The following SHANK2 variants were observed in gnomAD, a reference collection of about 807,000 sequenced individuals.
The protein encoded by SHANK2 is SH3 and multiple ankyrin repeat domains 2.
In SHANK2, 43 loss-of-function variants were observed where a neutral mutation model predicts 133.7. That is an observed-to-expected ratio of 0.32 (90% confidence interval 0.25 to 0.41). The LOEUF is 0.41. Among genes scored for constraint, SHANK2 ranks in the 10% least tolerant of loss-of-function variants. The pLI is 1.00. For missense variants in SHANK2, 1,994 were observed against 2,235.8 expected (o/e 0.89, Z 2.18); for synonymous variants, 1,017 against 952.8 (o/e 1.07, Z -1.24).
At chr11:71,086,881 C>T (rs1403553497) in intron 8 of SHANK2, among the ~76,000 whole-genome samples, 1 of 152,158 alleles carries the variant, frequency 6.6e-6, no homozygotes, top group Non-Finnish European at 1.5e-5. Flanking sequence ...AGAGGAGGCT[C>T]GCGAAGGCAA....
At chr11:70,630,345 G>T (rs2060967569) in intron 17 of SHANK2, among the ~76,000 whole-genome samples, 1 of 152,228 alleles carries the variant, frequency 6.6e-6, no homozygotes. Context: ...GTGGCAGACA[G>T]AAGGACAATC....
At chr11:71,219,552 C>T (rs1053832472) in intron 2 of SHANK2, among the ~76,000 whole-genome samples, 3 of 151,952 alleles carry the variant, frequency 2.0e-5, no homozygotes, top group African/African-American at 7.3e-5. Flanking sequence ...AATGAAATAC[C>T]ACATCAACAC....
intron 14 of SHANK2, among the ~76,000 whole-genome samples, chr11:70,713,485 C>G (rs528256983): frequency 6.6e-6 from 1 of 152,224 alleles, no homozygotes; most frequent in Admixed American, 6.5e-5. Context: ...CCAAGGCCCA[C>G]GTAGCAGTGG....
At chr11:70,931,814 T>C (rs1255223845) in intron 10 of SHANK2, among the ~76,000 whole-genome samples, 2 of 152,214 alleles carry the variant, frequency 1.3e-5, no homozygotes, top group African/African-American at 4.8e-5. Flanking sequence ...GGCCAATCTC[T>C]TCTGAGCAGA....
At chr11:70,877,096 AT>A (rs1188212541) in intron 11 of SHANK2, among the ~76,000 whole-genome samples, 10 of 152,274 alleles carry the variant, frequency 6.6e-5, no homozygotes, top group East Asian at 1.9e-4. Flanking sequence ...TGATATTTTT[AT>A]TTCTCTTCAG....
At chr11:70,489,426 G>C in intron 23 of SHANK2, 78 bp from the exon 24 acceptor site, 2 of 1,451,652 alleles carry the variant, frequency 1.4e-6, no homozygotes, top group Admixed American at 3.3e-5. Context: ...TGCTGGTGCA[G>C]GGGGAGCTTT....
chr11:70,690,356 G>A (rs1194021218), intron 15 of SHANK2, among the ~76,000 whole-genome samples: 1 of 151,866 alleles, frequency 6.6e-6, no homozygotes, highest in African/African-American at 2.4e-5. Context: ...GAATTACTCT[G>A]AAACACTGAT....
intron 17 of SHANK2, among the ~76,000 whole-genome samples, chr11:70,551,178 G>A (rs1261994323): frequency 1.3e-5 from 2 of 152,132 alleles, no homozygotes; most frequent in Non-Finnish European, 2.9e-5. Context: ...TCTTTTTGAG[G>A]GAGAAAACAC....
intron 11 of SHANK2, among the ~76,000 whole-genome samples, chr11:70,837,975 CAAAAAAAAAAAAAAAAAAAAAA>C (rs55862093): frequency 4.0e-5 from 1 of 25,178 alleles, no homozygotes; most frequent in Non-Finnish European, 8.1e-5. Context: ...CATTCTGTCT[CAAAAAAAAAAAAAAAAAAAAAA>C]AAAAGAAAAA....
intron 17 of SHANK2, among the ~76,000 whole-genome samples, chr11:70,534,763 G>A (rs1435411749): frequency 1.3e-5 from 2 of 152,352 alleles, no homozygotes; most frequent in South Asian, 4.1e-4. Flanking sequence ...ATCAGTTCAG[G>A]TGACGCTTCA....
At chr11:71,094,444 AC>A (rs1378361084) in intron 7 of SHANK2, 92 bp downstream of exon 7, 4 of 1,275,598 alleles carry the variant, frequency 3.1e-6, no homozygotes, top group Admixed American at 2.2e-5. Context: ...CTGTGCACGG[AC>A]CCCCTAGGAT....
chr11:70,773,791 C>T (rs1947304713), intron 14 of SHANK2, among the ~76,000 whole-genome samples: 1 of 152,166 alleles, frequency 6.6e-6, no homozygotes, highest in Non-Finnish European at 1.5e-5. Context: ...CTAATACCCA[C>T]TAAGATGCCT....
intron 6 of SHANK2, among the ~76,000 whole-genome samples, chr11:71,101,527 G>A (rs61885547): frequency 1.4e-3 from 210 of 152,314 alleles, no homozygotes; most frequent in Admixed American, 3.4e-3. Flanking sequence ...TTGGCACTGG[G>A]TAATTTCTGC....
At chr11:70,776,837 CCATA>C (rs781932929) in intron 14 of SHANK2, among the ~76,000 whole-genome samples, 1 of 151,238 alleles carries the variant, frequency 6.6e-6, no homozygotes, top group Non-Finnish European at 1.5e-5. Flanking sequence ...ACTCATCCAT[CCATA>C]CATTCATCCA....
chr11:70,689,041 G>A (rs568257952), intron 15 of SHANK2, among the ~76,000 whole-genome samples: 14 of 152,324 alleles, frequency 9.2e-5, no homozygotes, highest in Middle Eastern at 3.4e-3. Flanking sequence ...CCTGAGGAAC[G>A]TGCAGTTCAC....
chr11:71,200,831 T>TACACATAC (rs1555116975), intron 2 of SHANK2, among the ~76,000 whole-genome samples: 39 of 145,034 alleles, frequency 2.7e-4, no homozygotes, highest in African/African-American at 1.0e-3. Flanking sequence ...TCTCAATTAA[T>TACACATAC]ACACACACAC....
intron 2 of SHANK2, among the ~76,000 whole-genome samples, chr11:71,197,823 T>C (rs1271571956): frequency 3.9e-5 from 6 of 152,170 alleles, no homozygotes; most frequent in Non-Finnish European, 8.8e-5. Context: ...CACTGTTGAT[T>C]AACCGAAAGG....
rs1555072643 is a variant in SHANK2, at chr11:70,882,659, C to CAGGGGTG, written c.1174+13835_1174+13841dup. ...TTGCTTGCAAAATCAGCCAGGAGCA[C>CAGGGGTG]AGGGGTGAGGGGTGGCGGTGCAGGG... On this transcript the variant is annotated intron_variant, in intron 11 of 25. Coordinates refer to ENST00000601538, the MANE Select transcript of SHANK2 (RefSeq NM_012309.5). The surrounding 1 kb of genome is among the most constrained non-coding windows in gnomAD (Gnocchi z 4.2). Among the ~76,000 whole-genome samples the CAGGGGTG allele has an allele frequency of 6.6e-6, 1 of 152,148 alleles. No individual in the cohort carries two copies. Among genetic ancestry groups the CAGGGGTG allele is most frequent in the African/African-American group, 2.4e-5 (1 of 41,422 alleles).
rs1565166159 is a variant in SHANK2 at position 70,599,893 on chromosome 11, G to GAAAGAAAGAAAGAAAGAA, written c.2061+59934_2061+59935insTTCTTTCTTTCTTTCTTT. Among the ~76,000 whole-genome samples, 224 of 92,522 alleles carry GAAAGAAAGAAAGAAAGAA rather than the reference G, an allele frequency of 2.4e-3. 9 individuals carry two copies. Among genetic ancestry groups the GAAAGAAAGAAAGAAAGAA allele is most frequent in the East Asian group, 4.5e-3 (9 of 1,998 alleles). 60.7% of individuals were successfully genotyped at this position (92,522 alleles called of 152,430 possible). A position where few individuals can be genotyped will look rare whatever the true frequency, so the allele number is the denominator to read the frequency against. On this transcript the variant is annotated intron_variant, in intron 17 of 25. Transcript: ENST00000601538. The stretch of plus-strand genomic sequence containing the variant: ...AAAGAAAGAAAGAAAGAAAGAAAAA[G>GAAAGAAAGAAAGAAAGAA]AAAGAAAGAAAGAGAAAGAAAGAAA...
Sources: allele counts gnomAD v4.1 joint callset (sites outside exome capture counted in the v4.1 genomes callset), GRCh38; gene constraint gnomAD v4.1.1; non-coding constraint Gnocchi (gnomAD v3.1); transcripts MANE v1.5; gene names NCBI Gene and HGNC (gene_info 2026-07-23, HGNC 2026-07-21).